TRIM44: variants seen among roughly 807,000 people sequenced by gnomAD.
The protein encoded by TRIM44 is tripartite motif-containing protein 44.
TRIM44 carries 13 observed loss-of-function variants against 37.4 expected under a neutral mutation model. That is an observed-to-expected ratio of 0.35 (90% CI 0.23 to 0.55). The LOEUF (loss-of-function observed/expected upper bound fraction) is 0.55, where lower values mean the gene tolerates loss of function less well. TRIM44 is among the 20% of genes least tolerant of loss of function. The pLI, the probability that TRIM44 is intolerant of heterozygous loss-of-function variation, is 0.89. For missense variants in TRIM44, 426 were observed against 437.2 expected (o/e 0.97, Z 0.23); for synonymous variants, 175 against 157.2 (o/e 1.11, Z -0.85).
chr11:35,781,709 T>A (rs1853067683), intron 4 of TRIM44, among the ~76,000 whole-genome samples: 2 of 152,228 alleles, frequency 1.3e-5, no homozygotes, highest in Admixed American at 1.3e-4. Flanking sequence ...GTTATTTTTG[T>A]GTAGATAAGA....
In TRIM44 at chr11:35,726,117, A is replaced by G. The variant is rs61758104; in HGVS notation, c.941A>G (p.Lys314Arg). ...TTGATGACTCAGATGGCCCAAGCCA[A>G]GGAACAACTTGATACCTCTAATGAA... is the stretch of plus-strand genomic sequence containing the variant. Reference protein sequence around the residue: ...DRLMTQMAQAKEQLDTSNESA... With the variant: ...DRLMTQMAQAREQLDTSNESA... Residue 314 changes from lysine (K) to arginine (R), a missense_variant, in exon 3 of 5, where the codon AAG becomes AGG. Coordinates refer to ENST00000299413, the MANE Select transcript of TRIM44 (RefSeq NM_017583.6). 7.6e-3 allele frequency: 12,214 copies of G among 1,614,164 alleles called. 63 individuals carry two copies. The highest frequency in any genetic ancestry group is 8.7e-3 in the Non-Finnish European group (10,264 of 1,180,000).
intron 1 of TRIM44, among the ~76,000 whole-genome samples, chr11:35,674,461 A>G (rs1023660842): frequency 6.6e-6 from 1 of 152,198 alleles, no homozygotes; most frequent in Admixed American, 6.5e-5. Context: ...AAATAACTCT[A>G]TGGGCAGTGA....
rs181807615 is a variant in TRIM44 at position 35,795,832 on chromosome 11, T to C, written c.1008-10526T>C. 2.3e-3 allele frequency among the ~76,000 whole-genome samples: 345 copies of C among 152,342 alleles called. 1 individual carries two copies. The highest frequency in any genetic ancestry group is 8.0e-3 in the African/African-American group (333 of 41,578). On this transcript the variant is annotated intron_variant, in intron 4 of 4. Transcript: ENST00000299413. ...TATGACTTTTAGTCTCTCTTAGTCT[T>C]GGTTTCTTCATATGATGTTATTAAA... is the stretch of plus-strand genomic sequence containing the variant.
chr11:35,669,986 T>C (rs1395578318), intron 1 of TRIM44, among the ~76,000 whole-genome samples: 2 of 151,782 alleles, frequency 1.3e-5, no homozygotes, highest in African/African-American at 4.8e-5. Flanking sequence ...CACACCCGCC[T>C]GATTTTTTGT....
chr11:35,700,759 T>C (rs185865066), intron 2 of TRIM44, among the ~76,000 whole-genome samples: 1 of 152,342 alleles, frequency 6.6e-6, no homozygotes, highest in East Asian at 1.9e-4. Flanking sequence ...TAATTCCATA[T>C]GTCCCCGGGA....
intron 1 of TRIM44, among the ~76,000 whole-genome samples, chr11:35,673,461 G>A (rs548470403): frequency 2.0e-5 from 3 of 152,346 alleles, no homozygotes; most frequent in East Asian, 1.9e-4. Flanking sequence ...GCAATTGAAT[G>A]TGTTGTTAGC....
chr11:35,699,545 G>A (rs1374203691), intron 2 of TRIM44, among the ~76,000 whole-genome samples: 1 of 152,018 alleles, frequency 6.6e-6, no homozygotes, highest in Non-Finnish European at 1.5e-5. Context: ...ACTGGCACAA[G>A]ACAGGGATGC....
At chr11:35,710,387 G>C (rs1286878972) in intron 2 of TRIM44, among the ~76,000 whole-genome samples, 1 of 152,102 alleles carries the variant, frequency 6.6e-6, no homozygotes, top group Non-Finnish European at 1.5e-5. Context: ...TAATTTTCCT[G>C]TCTACCCTTC....
At chr11:35,793,386 A>G (rs913222632) in intron 4 of TRIM44, among the ~76,000 whole-genome samples, 10 of 151,970 alleles carry the variant, frequency 6.6e-5, no homozygotes, top group Non-Finnish European at 1.3e-4. Context: ...TTAGCCTGGC[A>G]TGGTGGTGTG....
At chr11:35,701,913 G>A (rs1445134541) in intron 2 of TRIM44, among the ~76,000 whole-genome samples, 1 of 152,190 alleles carries the variant, frequency 6.6e-6, no homozygotes, top group African/African-American at 2.4e-5. Context: ...TGGCAGGCCA[G>A]ACTTCTGGGT....
At chr11:35,740,206 C>G (rs145420577) in intron 4 of TRIM44, among the ~76,000 whole-genome samples, 4 of 143,828 alleles carry the variant, frequency 2.8e-5, no homozygotes, top group African/African-American at 1.0e-4. Context: ...TCTGCCTTCT[C>G]TGTGCTATTA....
At chr11:35,690,301 A>G (rs951787197) in intron 2 of TRIM44, among the ~76,000 whole-genome samples, 3 of 152,230 alleles carry the variant, frequency 2.0e-5, no homozygotes, top group Non-Finnish European at 2.9e-5. Context: ...GAACTCTGCA[A>G]TCATTTGTCA....
intron 1 of TRIM44, among the ~76,000 whole-genome samples, chr11:35,664,407 A>G (rs1383925177): frequency 2.0e-5 from 3 of 152,222 alleles, no homozygotes; most frequent in African/African-American, 7.2e-5. Context: ...GTCCCCCAGA[A>G]CAGTGGACAC....
intron 4 of TRIM44, among the ~76,000 whole-genome samples, chr11:35,805,198 G>A (rs1032861871): frequency 4.6e-5 from 7 of 152,118 alleles, no homozygotes; most frequent in Admixed American, 2.0e-4. Flanking sequence ...GATAATAATA[G>A]CCCCTACATA....
At chr11:35,743,656 C>A (rs1452581205) in intron 4 of TRIM44, among the ~76,000 whole-genome samples, 2 of 151,742 alleles carry the variant, frequency 1.3e-5, no homozygotes, top group Non-Finnish European at 2.9e-5. Context: ...TCTTTTTTTC[C>A]ACCACGTTTA....
chr11:35,666,541 TC>T (rs748495082), intron 1 of TRIM44, among the ~76,000 whole-genome samples: 7 of 152,346 alleles, frequency 4.6e-5, no homozygotes, highest in Admixed American at 6.5e-5. Context: ...TATATTTTTT[TC>T]CTCAAAGATT....
Position 35,718,482 on chromosome 11 carries a change from A to G in TRIM44, c.748-7442A>G, listed in dbSNP as rs117146223. On this transcript the variant is annotated intron_variant, in intron 2 of 4. Transcript: ENST00000299413. Reference sequence around the variant, plus strand: ...TGAATGGAAAATATAGAGAGTTTCCATATACTCCTTCCCCACATGCGTAGC... The same window carrying G: ...TGAATGGAAAATATAGAGAGTTTCCGTATACTCCTTCCCCACATGCGTAGC... Among the ~76,000 whole-genome samples the G allele has an allele frequency of 9.5e-3, 1,444 of 152,258 alleles. 14 individuals are homozygous for G. The highest frequency in any genetic ancestry group is 0.014 in the Non-Finnish European group (981 of 68,006).
chr11:35,701,399 A>G (rs986009774), intron 2 of TRIM44, among the ~76,000 whole-genome samples: 4 of 152,214 alleles, frequency 2.6e-5, no homozygotes, highest in African/African-American at 9.6e-5. Flanking sequence ...GTCCTTTTGA[A>G]TATTACCCAA....
In TRIM44 at chr11:35,777,492, CATT is replaced by C. The variant is rs746102144; in HGVS notation, c.1008-28863_1008-28861del. ...TTGTTATGTGTGAATTTGATCCTGT[CATT>C]ATGATGTTAGCTGGTTATTTTGCTC... On this transcript the variant is annotated intron_variant, in intron 4 of 4. Coordinates refer to ENST00000299413, the MANE Select transcript of TRIM44 (RefSeq NM_017583.6). Among the ~76,000 whole-genome samples, 282 of 152,262 alleles carry C rather than the reference CATT, an allele frequency of 1.9e-3. 1 individual carries two copies. Among genetic ancestry groups the C allele is most frequent in the Non-Finnish European group, 2.9e-3 (195 of 68,018 alleles).
Sources: allele counts gnomAD v4.1 joint callset (sites outside exome capture counted in the v4.1 genomes callset), GRCh38; gene constraint gnomAD v4.1.1; transcripts MANE v1.5; gene names NCBI Gene and HGNC (gene_info 2026-07-23, HGNC 2026-07-21).